Variants in ITCH observed in about 807,000 individuals in gnomAD.
The protein encoded by ITCH is E3 ubiquitin-protein ligase Itchy homolog.
ITCH carries 28 observed loss-of-function variants against 126.8 expected under a neutral mutation model. The observed-to-expected ratio is 0.22, with a 90% CI of 0.16 to 0.30. ITCH has a LOEUF of 0.30. Among genes scored for constraint, ITCH ranks in the 10% least tolerant of loss-of-function variants. ITCH has a pLI of 1.00. For missense variants in ITCH, 631 were observed against 1,032.4 expected (o/e 0.61, Z 5.33); for synonymous variants, 342 against 340.0 (o/e 1.01, Z -0.06).
At position 34,479,808 on chromosome 20, in the gene ITCH, T is replaced by C; in HGVS notation, c.1818+19T>C. The C allele has an allele frequency of 1.9e-6, 3 of 1,608,594 alleles. No homozygotes were observed. Among genetic ancestry groups the C allele is most frequent in the Non-Finnish European group, 2.6e-6 (3 of 1,176,082 alleles). On this transcript the variant is annotated intron_variant, in intron 18 of 24. Coordinates refer to ENST00000374864, the MANE Select transcript of ITCH (RefSeq NM_031483.7). ...TGCCATGGTAAGTGCAGGTCAAGAA[T>C]TATGTTTACTTTGCTTATTCAGCAA...
chr20:34,413,750 G>A lies in ITCH; in HGVS notation c.346G>A (p.Val116Ile). The A allele has an allele frequency of 6.2e-7, 1 of 1,604,076 alleles. No individual in the cohort carries two copies. The highest frequency in any genetic ancestry group is 1.3e-5 in the African/African-American group (1 of 74,724). ...ACTTTATTTTCTTCCAGTTGAAGAA[G>A]TAGTTGTGACTTTGCAGCTTGGAGG... is the stretch of plus-strand genomic sequence containing the variant. ...LKSNNMKLEE[V>I]VVTLQLGGDK... Residue 116 changes from valine (V) to isoleucine (I), a missense_variant, in exon 6 of 25, where the codon GTA (valine) becomes ATA (isoleucine). By Grantham distance (29) the Val-to-Ile change is conservative. Transcript: ENST00000374864.
chr20:34,436,193 C>T (rs1456471177), intron 7 of ITCH, among the ~76,000 whole-genome samples: 1 of 152,170 alleles, frequency 6.6e-6, no homozygotes, highest in Non-Finnish European at 1.5e-5. Context: ...CCTCACATAT[C>T]CCTAAAACTT....
intron 12 of ITCH, among the ~76,000 whole-genome samples, chr20:34,453,534 C>T (rs1163063854): frequency 2.0e-5 from 3 of 151,972 alleles, no homozygotes; most frequent in Non-Finnish European, 4.4e-5. Context: ...GAGGTCAAGG[C>T]TATAGTGCGC....
At chr20:34,438,402 GT>G in intron 7 of ITCH, 71 bp from the exon 8 acceptor site, 2 of 1,527,142 alleles carry the variant, frequency 1.3e-6, no homozygotes. Context: ...TCCTCCTGCT[GT>G]TTTTTTTCTT....
At chr20:34,388,048 G>A (rs2038352877) in intron 2 of ITCH, among the ~76,000 whole-genome samples, 1 of 151,678 alleles carries the variant, frequency 6.6e-6, no homozygotes, top group South Asian at 2.1e-4. Context: ...AGTCACAATG[G>A]TTTACAGTGC....
intron 15 of ITCH, among the ~76,000 whole-genome samples, chr20:34,470,568 A>G (rs965092485): frequency 1.3e-5 from 2 of 152,166 alleles, no homozygotes; most frequent in African/African-American, 2.4e-5. Flanking sequence ...ATTTTCTGAT[A>G]TAATTTTAAC....
intron 12 of ITCH, among the ~76,000 whole-genome samples, chr20:34,452,804 C>A (rs183114186): frequency 1.3e-5 from 2 of 152,152 alleles, no homozygotes; most frequent in East Asian, 3.8e-4. Flanking sequence ...TCCTGAGTAG[C>A]TGGAATTACA....
intron 14 of ITCH, chr20:34,466,562 T>A: frequency 2.4e-6 from 1 of 423,098 alleles, no homozygotes; most frequent in Non-Finnish European, 4.5e-6. Flanking sequence ...ATTCTATCAT[T>A]CATTTTAGTT....
At chr20:34,482,393 TC>T (rs1988816722) in intron 20 of ITCH, among the ~76,000 whole-genome samples, 1 of 152,192 alleles carries the variant, frequency 6.6e-6, no homozygotes, top group Admixed American at 6.5e-5. Context: ...CTTAGTTACT[TC>T]CTACATACAC....
chr20:34,397,993 A>ATT (rs570535836), intron 3 of ITCH, among the ~76,000 whole-genome samples: 5 of 143,114 alleles, frequency 3.5e-5, no homozygotes, highest in Non-Finnish European at 4.6e-5. Context: ...TCGTTATTGA[A>ATT]TTTTTTTTTT....
chr20:34,410,842 T>C (rs1253664337), intron 4 of ITCH, among the ~76,000 whole-genome samples: 1 of 152,240 alleles, frequency 6.6e-6, no homozygotes, highest in African/African-American at 2.4e-5. Flanking sequence ...GTTAATGTCA[T>C]GAACTTCTTA....
intron 23 of ITCH, among the ~76,000 whole-genome samples, chr20:34,503,928 C>A (rs1990455799): frequency 1.6e-5 from 2 of 126,788 alleles, no homozygotes; most frequent in Non-Finnish European, 3.1e-5. Flanking sequence ...GTCACCCGGG[C>A]GAGAGTGTAG....
In ITCH at chr20:34,442,491, A is replaced by G. The variant is rs548381129; in HGVS notation, c.965+188A>G. On this transcript the variant is annotated intron_variant, in intron 10 of 24. Coordinates refer to ENST00000374864, the MANE Select transcript of ITCH (RefSeq NM_031483.7). ...TGATTAATTCAGAGCCTGATAAACA[A>G]TTTTTGTTTTCACGCATATTTCTTT... Among the ~76,000 whole-genome samples the G allele has an allele frequency of 9.9e-5, 15 of 152,248 alleles. No homozygotes were observed. The South Asian group carries it at 2.9e-3, about 29-fold the overall frequency.
intron 12 of ITCH, among the ~76,000 whole-genome samples, chr20:34,451,615 T>C (rs1374462641): frequency 6.6e-6 from 1 of 152,204 alleles, no homozygotes; most frequent in Non-Finnish European, 1.5e-5. Context: ...TTACAAGGCA[T>C]ATTAAACTTA....
At chr20:34,450,495 A>G (rs1200755886) in intron 12 of ITCH, among the ~76,000 whole-genome samples, 1 of 152,138 alleles carries the variant, frequency 6.6e-6, no homozygotes, top group African/African-American at 2.4e-5. Flanking sequence ...ACCTTAATAG[A>G]CTTTAAGCTG....
intron 9 of ITCH, among the ~76,000 whole-genome samples, chr20:34,440,780 G>A (rs374933318): frequency 2.0e-5 from 3 of 152,080 alleles, no homozygotes; most frequent in African/African-American, 7.2e-5. Context: ...TGATTTTGGG[G>A]GATCTGGAGT....
intron 2 of ITCH, among the ~76,000 whole-genome samples, chr20:34,379,687 T>G (rs2037978652): frequency 6.9e-6 from 1 of 145,362 alleles, no homozygotes; most frequent in Admixed American, 7.0e-5. Flanking sequence ...CTCCGCCTCC[T>G]GGGTTCACCC....
Position 34,393,785 on chromosome 20 carries a change from G to C in ITCH, c.-21-6G>C, listed in dbSNP as rs772581295. On this transcript the variant is annotated splice_region_variant and splice_polypyrimidine_tract_variant and intron_variant, in intron 2 of 24. Coordinates refer to ENST00000374864, the MANE Select transcript of ITCH (RefSeq NM_031483.7). ...ATGTTTACAGTGTCTCCTTTGCCAT[G>C]TTCAGGTTTTCCAACCTATTGGTGG... The C allele has an allele frequency of 6.4e-7, 1 of 1,558,002 alleles. No individual in the cohort carries two copies. The highest frequency in any genetic ancestry group is 1.1e-5 in the South Asian group (1 of 89,902).
intron 2 of ITCH, among the ~76,000 whole-genome samples, chr20:34,382,643 A>G (rs906205797): frequency 1.3e-5 from 2 of 151,546 alleles, no homozygotes; most frequent in African/African-American, 4.8e-5. Flanking sequence ...CCTGACCACA[A>G]GTGATCCACC....
Sources: gnomAD v4.1 joint callset for allele counts (sites outside exome capture counted in the v4.1 genomes callset) on GRCh38, gnomAD v4.1.1 for gene constraint, MANE v1.5 for transcripts, NCBI Gene and HGNC (gene_info 2026-07-23, HGNC 2026-07-21) for gene names.